The following TRIM62 variants were observed in gnomAD, a reference collection of about 807,000 sequenced individuals.
TRIM62 encodes the protein E3 ubiquitin-protein ligase TRIM62.
TRIM62 carries 39 observed loss-of-function variants against 44.2 expected under a neutral mutation model. The ratio of observed to expected loss-of-function variants is 0.88; its 90% CI spans 0.68 to 1.15. TRIM62 has a LOEUF of 1.15. Among genes scored for constraint, TRIM62 ranks in the 50% most tolerant of loss-of-function variants. TRIM62 has a pLI of 0.00. For synonymous variants in TRIM62, 278 were observed against 292.3 expected, an observed-to-expected ratio of 0.95 and a Z score of 0.50; for missense variants, 544 against 665.5, an observed-to-expected ratio of 0.82 and a Z score of 2.01.
rs1475218311 is a variant in TRIM62, at chr1:33,145,400, A to G, written c.*1777T>C. 4 of 161,264 alleles carry G rather than the reference A, an allele frequency of 2.5e-5. No homozygotes were observed. Among genetic ancestry groups the G allele is most frequent in the Non-Finnish European group, 5.5e-5 (4 of 73,304 alleles). 10.0% of individuals were successfully genotyped at this position (161,264 alleles called of 1,614,324 possible). ...TTTGTCAAAATGAATGGAACTGGCTACTGACATCTGTAACTTTAATTTAAT... is the reference window on the plus strand; with the variant it reads ...TTTGTCAAAATGAATGGAACTGGCTGCTGACATCTGTAACTTTAATTTAAT... On this transcript the variant is annotated 3_prime_UTR_variant, in exon 5 of 5. Coordinates refer to ENST00000291416, the MANE Select transcript of TRIM62 (RefSeq NM_018207.3).
At chr1:33,151,462 C>T (rs1010420233) in intron 4 of TRIM62, among the ~76,000 whole-genome samples, 10 of 152,072 alleles carry the variant, frequency 6.6e-5, no homozygotes, top group African/African-American at 2.2e-4. Flanking sequence ...GCTCCCTCCC[C>T]GAGGCTAGGG....
chr1:33,174,609 T>G (rs1238481576), intron 1 of TRIM62, among the ~76,000 whole-genome samples: 2 of 152,198 alleles, frequency 1.3e-5, no homozygotes, highest in Non-Finnish European at 2.9e-5. Context: ...AGAGCATGAC[T>G]GCCTGTCAAA....
At chr1:33,174,968 T>C (rs149228047) in intron 1 of TRIM62, among the ~76,000 whole-genome samples, 27,711 of 124,672 alleles carry the variant, frequency 0.22, 3,116 homozygotes, top group South Asian at 0.32. Flanking sequence ...TATATATATA[T>C]ACACACATAT....
At chr1:33,152,093 C>A (rs1215220025) in intron 4 of TRIM62, among the ~76,000 whole-genome samples, 1 of 152,256 alleles carries the variant, frequency 6.6e-6, no homozygotes, top group Non-Finnish European at 1.5e-5. Flanking sequence ...ACGACAGACC[C>A]AGGGGCACAA....
At chr1:33,171,147 C>T (rs993345678) in intron 1 of TRIM62, among the ~76,000 whole-genome samples, 1 of 152,200 alleles carries the variant, frequency 6.6e-6, no homozygotes, top group African/African-American at 2.4e-5. Context: ...GGCCACACAG[C>T]TTGACACAGG....
At chr1:33,175,031 T>TGTGTATATGTATATGTA (rs1161088243) in intron 1 of TRIM62, among the ~76,000 whole-genome samples, 12 of 147,102 alleles carry the variant, frequency 8.2e-5, no homozygotes, top group Non-Finnish European at 1.6e-4. Context: ...ATGTATATGT[T>TGTGTATATGTATATGTA]TATGTATATG....
rs1645466409 is a variant in TRIM62, at chr1:33,181,754, TC to T, written c.-323del. The T allele has an allele frequency of 3.3e-6, 1 of 302,002 alleles. No individual in the cohort carries two copies. The highest frequency in any genetic ancestry group is 2.4e-5 in the African/African-American group (1 of 41,076). 18.7% of individuals were successfully genotyped at this position (302,002 alleles called of 1,614,324 possible). The stretch of plus-strand genomic sequence containing the variant: ...GGGGAGGTTCTAGGGGGCGGGGCAG[TC>T]CTAAGGGATAGGAGCTGGGAGAAGG... On this transcript the variant is annotated 5_prime_UTR_variant, in exon 1 of 5. An upstream open reading frame in the 5' UTR loses its in-frame stop. Coordinates refer to ENST00000291416, the MANE Select transcript of TRIM62 (RefSeq NM_018207.3). The surrounding 1 kb of genome is among the most constrained non-coding windows in gnomAD (Gnocchi z 6.5).
rs188561606 is a variant in TRIM62 at position 33,165,886 on chromosome 1, A to T, written c.409-320T>A. The stretch of plus-strand genomic sequence containing the variant: ...GGCCCTGGATCCCCGCTTAGAATTA[A>T]GGCAGGGGTCTCCAACCCCCAGGCC... On this transcript the variant is annotated intron_variant, in intron 1 of 4. Coordinates refer to ENST00000291416, the MANE Select transcript of TRIM62 (RefSeq NM_018207.3). This position sits in a 1 kb window ranked among gnomAD's most constrained non-coding sequence, Gnocchi z 4.0. 7.6e-5 allele frequency: 16 copies of T among 209,170 alleles called. No homozygotes were observed. Among genetic ancestry groups the T allele is most frequent in the Admixed American group, 1.2e-4 (2 of 17,012 alleles). 13.0% of individuals were successfully genotyped at this position (209,170 alleles called of 1,614,324 possible).
Position 33,181,561 on chromosome 1 carries a change from C to A in TRIM62, c.-129G>T. ...CCGCACAGGCAGGGGTAGGAGCTAC[C>A]GGAGAAGGGAGGGGGTGCTGTCCGG... On this transcript the variant is annotated 5_prime_UTR_variant, in exon 1 of 5. Transcript: ENST00000291416. The surrounding 1 kb of genome is among the most constrained non-coding windows in gnomAD (Gnocchi z 6.5). The A allele has an allele frequency of 7.1e-7, 1 of 1,406,388 alleles. No homozygotes were observed. Among genetic ancestry groups the A allele is most frequent in the East Asian group, 2.7e-5 (1 of 36,370 alleles). 87.1% of individuals were successfully genotyped at this position (1,406,388 alleles called of 1,614,324 possible).
rs1190391102 is a variant in TRIM62 at position 33,147,384 on chromosome 1, A to C, written c.1221T>G (p.Leu407=). The C allele has an allele frequency of 6.2e-7, 1 of 1,614,132 alleles. No individual in the cohort carries two copies. Among genetic ancestry groups the C allele is most frequent in the Non-Finnish European group, 8.5e-7 (1 of 1,180,028 alleles). The change falls in exon 5 of 5, where the codon CTT becomes CTG. Residue 407 remains leucine (L), a synonymous_variant. Transcript: ENST00000291416. The surrounding 1 kb of genome is among the most constrained non-coding windows in gnomAD (Gnocchi z 8.1). ...YSACTEPWTR[L]NVRDKLDKVG... ...CCTTGTCAAGCTTGTCCCGGACGTT[A>C]AGCCGCGTCCAGGGCTCCGTGCAGG...
intron 2 of TRIM62, among the ~76,000 whole-genome samples, chr1:33,160,473 C>T (rs1486041770): frequency 4.6e-5 from 7 of 152,030 alleles, no homozygotes; most frequent in Non-Finnish European, 1.0e-4. Flanking sequence ...GGCACGATCT[C>T]GGATCATTGC....
intron 1 of TRIM62, among the ~76,000 whole-genome samples, chr1:33,168,985 T>G (rs907717835): frequency 6.8e-6 from 1 of 148,082 alleles, no homozygotes; most frequent in Non-Finnish European, 1.5e-5. Flanking sequence ...AGTCAGGGAA[T>G]AAGGACAGCG....
rs1473877959 is a variant in TRIM62 at position 33,146,988 on chromosome 1, C to T, written c.*189G>A. On this transcript the variant is annotated 3_prime_UTR_variant, in exon 5 of 5. Coordinates refer to ENST00000291416, the MANE Select transcript of TRIM62 (RefSeq NM_018207.3). ...TATCAAGGTCAGAGCTACAGAACAT[C>T]GATGCTGGAAGAGAGTTTAGGAAGT... The T allele has an allele frequency of 3.8e-5, 24 of 627,606 alleles. No homozygotes were observed. The highest frequency in any genetic ancestry group is 5.8e-5 in the Non-Finnish European group (21 of 360,900). The allele number at this position is 627,606 out of a possible 1,614,324, so 38.9% of individuals were successfully genotyped here. A position where few individuals can be genotyped will look rare whatever the true frequency, so the allele number is the denominator to read the frequency against.
At position 33,167,583 on chromosome 1, in the gene TRIM62, T is replaced by C. The variant is rs892225948; in HGVS notation, c.409-2017A>G. ...ATATACCTCACACCCAGCAACAGCC[T>C]GGCACTGAGATGGGACTCAATGACG... On this transcript the variant is annotated intron_variant, in intron 1 of 4. Coordinates refer to ENST00000291416, the MANE Select transcript of TRIM62 (RefSeq NM_018207.3). This position sits in a 1 kb window ranked among gnomAD's most constrained non-coding sequence, Gnocchi z 4.2. 6.6e-6 allele frequency among the ~76,000 whole-genome samples: 1 copy of C among 152,188 alleles called. No individual in the cohort carries two copies. The highest frequency in any genetic ancestry group is 1.5e-5 in the Non-Finnish European group (1 of 68,034).
chr1:33,158,408 G>T (rs1296805805), intron 3 of TRIM62, 40 bp from the exon 4 acceptor site: 1 of 1,582,562 alleles, frequency 6.3e-7, no homozygotes, highest in Admixed American at 1.7e-5. Context: ...CCAGGGACTG[G>T]ATTCCTGCCC....
At chr1:33,156,731 C>G (rs1645183781) in intron 4 of TRIM62, among the ~76,000 whole-genome samples, 1 of 152,164 alleles carries the variant, frequency 6.6e-6, no homozygotes, top group Non-Finnish European at 1.5e-5. Context: ...GCTTGTCATC[C>G]CTACTGCCTT....
At position 33,146,313 on chromosome 1, in the gene TRIM62, T is replaced by A. The variant is rs1455741237; in HGVS notation, c.*864A>T. Reference sequence around the variant, plus strand: ...CCAGCCAACAGCCCCTCCCAGTGCTTGGGTCCTAATTACAACAACTGCTTC... The same window carrying A: ...CCAGCCAACAGCCCCTCCCAGTGCTAGGGTCCTAATTACAACAACTGCTTC... On this transcript the variant is annotated 3_prime_UTR_variant, in exon 5 of 5. Coordinates refer to ENST00000291416, the MANE Select transcript of TRIM62 (RefSeq NM_018207.3). 3 of 176,456 alleles carry A rather than the reference T, an allele frequency of 1.7e-5. No homozygotes were observed. The East Asian group carries it at 4.9e-4, about 29-fold the overall frequency. 10.9% of individuals were successfully genotyped at this position (176,456 alleles called of 1,614,324 possible).
At chr1:33,149,688 C>T (rs755718123) in intron 4 of TRIM62, among the ~76,000 whole-genome samples, 5 of 152,204 alleles carry the variant, frequency 3.3e-5, no homozygotes, top group Non-Finnish European at 7.3e-5. Flanking sequence ...CTCCTGGCCT[C>T]AAGTGATCCT....
intron 1 of TRIM62, among the ~76,000 whole-genome samples, 178 bp downstream of exon 1, chr1:33,180,831 ACGGCCCCGCCATGCGG>A (rs1279963978): frequency 1.9e-5 from 1 of 52,028 alleles, no homozygotes; most frequent in African/African-American, 7.2e-5. Flanking sequence ...CCCCGCCCCC[ACGGCCCCGCCATGCGG>A]CGGCCCCGCC....
Sources: allele counts gnomAD v4.1 joint callset (sites outside exome capture counted in the v4.1 genomes callset), GRCh38; gene constraint gnomAD v4.1.1; non-coding constraint Gnocchi (gnomAD v3.1); transcripts MANE v1.5; gene names NCBI Gene and HGNC (gene_info 2026-07-23, HGNC 2026-07-21).